PTPRT: variants seen among roughly 807,000 people sequenced by gnomAD.
PTPRT encodes protein tyrosine phosphatase receptor type T.
A neutral mutation model predicts 176.8 loss-of-function variants in PTPRT; 56 were observed. That is an observed-to-expected ratio of 0.32 (90% CI 0.26 to 0.40). The LOEUF is 0.40. Among genes scored for constraint, PTPRT ranks in the 10% least tolerant of loss-of-function variants. PTPRT has a pLI of 1.00. For missense variants in PTPRT, 1,540 were observed against 1,908.2 expected, an observed-to-expected ratio of 0.81 and a Z score of 3.60; for synonymous variants, 783 against 739.0, an observed-to-expected ratio of 1.06 and a Z score of -0.96.
chr20:42,771,072 C>T, intron 5 of PTPRT, among the ~76,000 whole-genome samples: 1 of 152,298 alleles, frequency 6.6e-6, no homozygotes, highest in Admixed American at 6.5e-5. Context: ...GCCCAAGCTG[C>T]CCCATTTCGT....
At chr20:42,051,786 C>T in the PTPRT span, among the ~76,000 whole-genome samples, 36 of 152,334 alleles carry the variant, frequency 2.4e-4, no homozygotes, top group African/African-American at 8.2e-4. Flanking sequence ...ACTGAAGTCA[C>T]AGTTATCCCT....
Position 42,265,918 on chromosome 20 carries a change from G to A in PTPRT, c.2176+16571C>T, listed in dbSNP as rs563244385. Among the ~76,000 whole-genome samples, 97 of 152,312 alleles carry A rather than the reference G, an allele frequency of 6.4e-4. 1 individual carries two copies. The highest frequency in any genetic ancestry group is 1.9e-3 in the Admixed American group (29 of 15,304). On this transcript the variant is annotated intron_variant, in intron 13 of 30. Transcript: ENST00000373187. The stretch of plus-strand genomic sequence containing the variant: ...AGGACAGTTGCTAAGAACTCCCAGA[G>A]AGTGTATGATGACCTGAATCCTGTC...
At chr20:42,548,776 A>T (rs1339712361) in intron 7 of PTPRT, among the ~76,000 whole-genome samples, 1 of 152,202 alleles carries the variant, frequency 6.6e-6, no homozygotes, top group Non-Finnish European at 1.5e-5. Flanking sequence ...AAAACACAGG[A>T]ACCCTTTCTC....
intron 6 of PTPRT, among the ~76,000 whole-genome samples, chr20:42,754,828 C>G (rs1166659869): frequency 6.6e-6 from 1 of 152,082 alleles, no homozygotes; most frequent in Non-Finnish European, 1.5e-5. Context: ...CACATTTTTT[C>G]AAGTTGAGCC....
At chr20:43,069,836 TGA>T (rs2146268530) in intron 1 of PTPRT, among the ~76,000 whole-genome samples, 1 of 152,304 alleles carries the variant, frequency 6.6e-6, no homozygotes, top group African/African-American at 2.4e-5. Flanking sequence ...TTACTCCAGT[TGA>T]GAAGGCTTTG....
intron 7 of PTPRT, among the ~76,000 whole-genome samples, chr20:42,540,455 G>T (rs2072559434): frequency 1.3e-5 from 2 of 152,164 alleles, no homozygotes; most frequent in African/African-American, 4.8e-5. Context: ...TACAGCAGGA[G>T]TAAAGCATAA....
At chr20:42,733,150 G>T (rs952130775) in intron 6 of PTPRT, among the ~76,000 whole-genome samples, 1 of 152,096 alleles carries the variant, frequency 6.6e-6, no homozygotes, top group Non-Finnish European at 1.5e-5. Context: ...CTAGACATGG[G>T]GTTTAACCAC....
chr20:42,829,289 C>A (rs1442626300), intron 2 of PTPRT, among the ~76,000 whole-genome samples: 1 of 152,246 alleles, frequency 6.6e-6, no homozygotes, highest in East Asian at 1.9e-4. Flanking sequence ...AATGCCCGTA[C>A]CTCCACTGTA....
chr20:42,085,551 G>A (rs1211104023), intron 28 of PTPRT, among the ~76,000 whole-genome samples, 177 bp downstream of exon 28: 3 of 152,220 alleles, frequency 2.0e-5, no homozygotes, highest in African/African-American at 7.2e-5. Flanking sequence ...ATCTCTATGT[G>A]TTGGAGTCAT....
intron 2 of PTPRT, among the ~76,000 whole-genome samples, chr20:42,883,609 G>A (rs1000444545): frequency 2.6e-5 from 3 of 114,914 alleles, no homozygotes; most frequent in African/African-American, 6.5e-5. Context: ...AAGAGCATAT[G>A]TGAATACACA....
At chr20:42,068,534 T>C (rs1268634755), downstream of PTPRT, among the ~76,000 whole-genome samples, 5 of 152,214 alleles carry the variant, frequency 3.3e-5, no homozygotes, top group Non-Finnish European at 7.3e-5. Context: ...TAATGTCATT[T>C]CATCTCCCAG....
At chr20:43,134,421 G>A (rs185325187) in intron 1 of PTPRT, among the ~76,000 whole-genome samples, 63 of 152,136 alleles carry the variant, frequency 4.1e-4, no homozygotes, top group Admixed American at 3.5e-3. Flanking sequence ...GAAGTTTCTC[G>A]TCCTCCATCA....
At chr20:42,695,894 C>A (rs557988746) in intron 6 of PTPRT, among the ~76,000 whole-genome samples, 3 of 152,230 alleles carry the variant, frequency 2.0e-5, no homozygotes, top group African/African-American at 4.8e-5. Context: ...ATTTAAAGAC[C>A]AATTATTGGC....
chr20:42,762,764 G>A (rs563560205), intron 5 of PTPRT, among the ~76,000 whole-genome samples: 1 of 152,336 alleles, frequency 6.6e-6, no homozygotes, highest in African/African-American at 2.4e-5. Flanking sequence ...AGGGATACAT[G>A]TTCTAAATTG....
At chr20:43,087,041 A>G (rs74954047) in intron 1 of PTPRT, among the ~76,000 whole-genome samples, 6,201 of 152,270 alleles carry the variant, frequency 0.041, 453 homozygotes, top group African/African-American at 0.14. Context: ...TCTTAAATTC[A>G]TGCCCCTTTG....
Position 42,476,903 on chromosome 20 carries a change from A to G in PTPRT, c.1154-4341T>C, listed in dbSNP as rs62204921. On this transcript the variant is annotated intron_variant, in intron 7 of 30. Coordinates refer to ENST00000373187, the MANE Select transcript of PTPRT (RefSeq NM_007050.6). ...GCTCCCATGAATGGGTCAGTTACAC[A>G]TGTATGCACACAAGCCTGTCCCGAA... is the stretch of plus-strand genomic sequence containing the variant. 7.9e-3 allele frequency among the ~76,000 whole-genome samples: 1,206 copies of G among 152,312 alleles called. 11 individuals are homozygous for G. The highest frequency in any genetic ancestry group is 0.014 in the Middle Eastern group (4 of 294).
At chr20:42,521,973 G>A (rs994209068) in intron 7 of PTPRT, among the ~76,000 whole-genome samples, 6 of 151,920 alleles carry the variant, frequency 3.9e-5, no homozygotes, top group Non-Finnish European at 8.8e-5. Flanking sequence ...GTGTTCTCAA[G>A]TAGGTATGAC....
intron 1 of PTPRT, among the ~76,000 whole-genome samples, chr20:43,069,389 G>A (rs1484350462): frequency 1.3e-5 from 2 of 152,148 alleles, no homozygotes; most frequent in East Asian, 3.8e-4. Context: ...CTTCTACAAT[G>A]TTACATTAAC....
intron 1 of PTPRT, among the ~76,000 whole-genome samples, chr20:43,033,295 T>C (rs998739): frequency 0.32 from 48,515 of 151,962 alleles, 10,757 homozygotes; most frequent in African/African-American, 0.62. Flanking sequence ...GGTGTGGCTT[T>C]AATACCTCTC....
Sources: gnomAD v4.1 joint callset for allele counts (sites outside exome capture counted in the v4.1 genomes callset) on GRCh38, gnomAD v4.1.1 for gene constraint, MANE v1.5 for transcripts, NCBI Gene and HGNC (gene_info 2026-07-23, HGNC 2026-07-21) for gene names.